The following GRID2 variants were observed in gnomAD, a reference collection of about 807,000 sequenced individuals.
GRID2 encodes the protein glutamate receptor ionotropic, delta-2.
GRID2 carries 33 observed loss-of-function variants against 114.8 expected under a neutral mutation model. That is an observed-to-expected ratio of 0.29 (90% CI 0.22 to 0.38). GRID2 has a LOEUF of 0.38. GRID2 is among the 10% of genes least tolerant of loss of function. The pLI, the probability that GRID2 is intolerant of heterozygous loss-of-function variation, is 1.00. For missense variants in GRID2, 1,184 were observed against 1,257.7 expected (o/e 0.94, Z 0.89); for synonymous variants, 505 against 449.9 (o/e 1.12, Z -1.55).
chr4:92,621,887 T>A (rs1232663216), intron 2 of GRID2, among the ~76,000 whole-genome samples: 1 of 151,814 alleles, frequency 6.6e-6, no homozygotes, highest in Non-Finnish European at 1.5e-5. Flanking sequence ...CACACAGAAA[T>A]TTTCTGAAGA....
At chr4:92,590,669 G>A (rs905492439) in intron 2 of GRID2, among the ~76,000 whole-genome samples, 1 of 152,060 alleles carries the variant, frequency 6.6e-6, no homozygotes, top group African/African-American at 2.4e-5. Flanking sequence ...TGACATATCA[G>A]GTGAACTCAT....
chr4:92,796,605 T>G (rs1342711037), intron 2 of GRID2, among the ~76,000 whole-genome samples: 6 of 151,928 alleles, frequency 3.9e-5, no homozygotes, highest in African/African-American at 1.4e-4. Context: ...TATATATATT[T>G]TTCAGAGTAG....
chr4:92,711,032 G>A (rs1735219273), intron 2 of GRID2, among the ~76,000 whole-genome samples: 1 of 151,404 alleles, frequency 6.6e-6, no homozygotes, highest in African/African-American at 2.4e-5. Context: ...ATTTTCCCTG[G>A]AGGTTAAAAA....
intron 12 of GRID2, among the ~76,000 whole-genome samples, chr4:93,491,437 T>C (rs1367212433): frequency 6.6e-6 from 1 of 151,846 alleles, no homozygotes; most frequent in African/African-American, 2.4e-5. Context: ...AAATGCCATT[T>C]CCGTAAGCCC....
At chr4:93,260,364 A>G (rs1750121398) in intron 8 of GRID2, among the ~76,000 whole-genome samples, 1 of 148,406 alleles carries the variant, frequency 6.7e-6, no homozygotes, top group Non-Finnish European at 1.5e-5. Flanking sequence ...CATTGCGTAC[A>G]TTTTTAAAAG....
At chr4:93,733,418 T>C (rs531872756) in intron 14 of GRID2, among the ~76,000 whole-genome samples, 54 of 152,256 alleles carry the variant, frequency 3.5e-4, no homozygotes, top group Non-Finnish European at 6.3e-4. Flanking sequence ...GTTTCTAACA[T>C]AGAAATTTTC....
rs188287440 is a variant in GRID2, at chr4:92,916,916, T to C, written c.245-168079T>C. ...TGGGTCAAATGGTAATTCTAGTTCT[T>C]AGATCCCTGAAGAATCGCCACACTG... is the stretch of plus-strand genomic sequence containing the variant. On this transcript the variant is annotated intron_variant, in intron 2 of 15. Transcript: ENST00000282020. Among the ~76,000 whole-genome samples, 49 of 152,262 alleles carry C rather than the reference T, an allele frequency of 3.2e-4. No individual in the cohort carries two copies. In the East Asian group the frequency reaches 9.3e-3, roughly 29 times the overall value.
intron 7 of GRID2, among the ~76,000 whole-genome samples, chr4:93,228,468 T>G (rs1321572242): frequency 6.6e-6 from 1 of 152,168 alleles, no homozygotes; most frequent in East Asian, 1.9e-4. Context: ...CATTTCAAGA[T>G]GAGTTTTGGT....
intron 14 of GRID2, among the ~76,000 whole-genome samples, chr4:93,630,669 A>G (rs1409336228): frequency 1.3e-5 from 2 of 152,228 alleles, no homozygotes; most frequent in African/African-American, 4.8e-5. Context: ...TAGATTCATG[A>G]TAGTGACACA....
chr4:92,380,933 C>T (rs1729592627), intron 1 of GRID2, among the ~76,000 whole-genome samples: 1 of 151,880 alleles, frequency 6.6e-6, no homozygotes, highest in Non-Finnish European at 1.5e-5. Flanking sequence ...CCTCTGTGAG[C>T]CCTCAATAAT....
chr4:92,907,871 A>G (rs889353246), intron 2 of GRID2, among the ~76,000 whole-genome samples: 5 of 152,110 alleles, frequency 3.3e-5, no homozygotes, highest in African/African-American at 1.2e-4. Flanking sequence ...AAAAACACAA[A>G]AATTAGCTGG....
At chr4:92,634,007 G>A (rs958721450) in intron 2 of GRID2, among the ~76,000 whole-genome samples, 11 of 151,416 alleles carry the variant, frequency 7.3e-5, no homozygotes, top group African/African-American at 2.2e-4. Flanking sequence ...TTTTACCATC[G>A]TCTATAGCAG....
intron 1 of GRID2, among the ~76,000 whole-genome samples, chr4:92,539,198 T>A (rs990482402): frequency 6.6e-6 from 1 of 152,142 alleles, no homozygotes; most frequent in African/African-American, 2.4e-5. Flanking sequence ...ATAGATAACA[T>A]AACACAATAT....
chr4:93,390,471 C>A (rs1042236720), intron 8 of GRID2, among the ~76,000 whole-genome samples: 50 of 152,124 alleles, frequency 3.3e-4, no homozygotes, highest in African/African-American at 1.2e-3. Flanking sequence ...TTAGTGGTCC[C>A]AAAAACTGTA....
At chr4:93,123,230 C>T (rs1019432638) in intron 4 of GRID2, among the ~76,000 whole-genome samples, 2 of 152,094 alleles carry the variant, frequency 1.3e-5, no homozygotes, top group Non-Finnish European at 2.9e-5. Flanking sequence ...ACTGCAACAT[C>T]TACTGCTGGT....
At chr4:93,101,164 G>T (rs1452455255) in intron 3 of GRID2, among the ~76,000 whole-genome samples, 1 of 152,008 alleles carries the variant, frequency 6.6e-6, no homozygotes, top group Non-Finnish European at 1.5e-5. Flanking sequence ...CATATGACAT[G>T]TACATATCAT....
At chr4:93,592,808 G>C (rs1738540257) in intron 13 of GRID2, among the ~76,000 whole-genome samples, 1 of 152,176 alleles carries the variant, frequency 6.6e-6, no homozygotes, top group Non-Finnish European at 1.5e-5. Flanking sequence ...TTACCATTAT[G>C]TAATGGCCTT....
chr4:92,549,867 T>A (rs1726487100), intron 1 of GRID2, among the ~76,000 whole-genome samples: 1 of 152,196 alleles, frequency 6.6e-6, no homozygotes, highest in Non-Finnish European at 1.5e-5. Context: ...GAAATACTAA[T>A]GTAATCTAGT....
intron 13 of GRID2, among the ~76,000 whole-genome samples, chr4:93,564,652 C>A (rs1421670692): frequency 2.6e-5 from 4 of 151,998 alleles, no homozygotes; most frequent in Non-Finnish European, 4.4e-5. Context: ...ACCTGCCATG[C>A]TGTACTTTAT....
Sources: allele counts gnomAD v4.1 joint callset (sites outside exome capture counted in the v4.1 genomes callset), GRCh38; gene constraint gnomAD v4.1.1; transcripts MANE v1.5; gene names NCBI Gene and HGNC (gene_info 2026-07-23, HGNC 2026-07-21).